KCNS2: variants seen among roughly 807,000 people sequenced by gnomAD.
KCNS2 encodes the protein delayed-rectifier potassium channel regulatory subunit KCNS2.
A neutral mutation model predicts 28.3 loss-of-function variants in KCNS2; 15 were observed. That is an observed-to-expected ratio of 0.53 (90% CI 0.35 to 0.82). KCNS2 has a LOEUF of 0.82. KCNS2 is among the 40% of genes least tolerant of loss of function. The pLI, the probability that KCNS2 is intolerant of heterozygous loss-of-function variation, is 0.01. For missense variants in KCNS2, 501 were observed against 617.1 expected (o/e 0.81, Z 1.99); for synonymous variants, 254 against 256.7 (o/e 0.99, Z 0.10).
At position 98,428,892 on chromosome 8, in the gene KCNS2, A is replaced by G. The variant is rs749779842; in HGVS notation, c.913A>G (p.Ile305Val). ...QVLRLMRIFR[I>V]LKLARHSTGL... is the part of the protein sequence containing the mutation. ...CCTGAGGCTGATGCGGATCTTCCGC[A>G]TCTTAAAGCTGGCCAGGCACTCCAC... Residue 305 changes from isoleucine to valine, a missense_variant, in exon 2 of 2, where the codon ATC becomes GTC. Physicochemically the swap from Ile to Val is conservative, Grantham distance 29 (BLOSUM62 3). Coordinates refer to ENST00000287042, the MANE Select transcript of KCNS2 (RefSeq NM_020697.4). The surrounding 1 kb of genome is among the most constrained non-coding windows in gnomAD (Gnocchi z 6.7). 2 of 1,614,206 alleles carry G rather than the reference A, an allele frequency of 1.2e-6. No homozygotes were observed. The highest frequency in any genetic ancestry group is 1.6e-4 in the Middle Eastern group (1 of 6,062).
chr8:98,428,040 A>C lies in KCNS2; in HGVS notation c.61A>C (p.Ile21Leu), dbSNP rs1326122049. 2 of 1,610,342 alleles carry C rather than the reference A, an allele frequency of 1.2e-6. No individual in the cohort carries two copies. Among genetic ancestry groups the C allele is most frequent in the South Asian group, 2.2e-5 (2 of 90,696 alleles). Residue 21 changes from isoleucine (I) to leucine (L), a missense_variant, in exon 2 of 2, where the codon ATC becomes CTC. Physicochemically the swap from Ile to Leu is conservative, Grantham distance 5. Transcript: ENST00000287042. This position sits in a 1 kb window ranked among gnomAD's most constrained non-coding sequence, Gnocchi z 6.7. ...EANVEDGEIR[I>L]NVGGFKRRLR... ...TAACGTCGAGGACGGGGAGATCCGCATCAATGTGGGCGGCTTCAAGAGGAG... is the reference window on the plus strand; with the variant it reads ...TAACGTCGAGGACGGGGAGATCCGCCTCAATGTGGGCGGCTTCAAGAGGAG...
At position 98,428,909 on chromosome 8, in the gene KCNS2, G is replaced by T; in HGVS notation, c.930G>T (p.Arg310Ser). 1 of 1,614,128 alleles carries T rather than the reference G, an allele frequency of 6.2e-7. No individual in the cohort carries two copies. The highest frequency in any genetic ancestry group is 1.1e-5 in the South Asian group (1 of 91,070). ...TCTTCCGCATCTTAAAGCTGGCCAG[G>T]CACTCCACTGGCCTCCGCTCCCTGG... ...MRIFRILKLA[R>S]HSTGLRSLGA... The change falls in exon 2 of 2, where the codon AGG becomes AGT. Residue 310 changes from arginine to serine, a missense_variant. Arg to Ser is a moderately radical substitution (Grantham distance 110, BLOSUM62 -1). Coordinates refer to ENST00000287042, the MANE Select transcript of KCNS2 (RefSeq NM_020697.4). This position sits in a 1 kb window ranked among gnomAD's most constrained non-coding sequence, Gnocchi z 6.7.
chr8:98,429,110 C>T lies in KCNS2; in HGVS notation c.1131C>T (p.Tyr377=), dbSNP rs371574913. The T allele has an allele frequency of 2.8e-5, 45 of 1,613,346 alleles. No homozygotes were observed. Among genetic ancestry groups the T allele is most frequent in the South Asian group, 4.4e-5 (4 of 91,040 alleles). The change falls in exon 2 of 2, where the codon TAC becomes TAT. Residue 377 remains tyrosine, a synonymous_variant. Coordinates refer to ENST00000287042, the MANE Select transcript of KCNS2 (RefSeq NM_020697.4). The part of the protein sequence containing the change: ...WATVSMTTVG[Y]GDVVPGTTAG... ...CCGTCAGTATGACCACAGTGGGGTA[C>T]GGGGATGTGGTCCCAGGGACCACGG...
chr8:98,431,840 C>T lies in KCNS2; in HGVS notation c.*2427C>T, dbSNP rs1381881910. ...GCTTTAGAGACTATCTTTTTAACAT[C>T]TCTTGTACATACATATATACTTATA... On this transcript the variant is annotated 3_prime_UTR_variant, in exon 2 of 2. Coordinates refer to ENST00000287042, the MANE Select transcript of KCNS2 (RefSeq NM_020697.4). The T allele has an allele frequency of 1.8e-5, 3 of 167,036 alleles. No individual in the cohort carries two copies. Among genetic ancestry groups the T allele is most frequent in the African/African-American group, 7.2e-5 (3 of 41,438 alleles). 10.3% of individuals were successfully genotyped at this position (167,036 alleles called of 1,614,324 possible). A position where few individuals can be genotyped will look rare whatever the true frequency, so the allele number is the denominator to read the frequency against.
At position 98,430,478 on chromosome 8, in the gene KCNS2, T is replaced by G. The variant is rs1162701880; in HGVS notation, c.*1065T>G. 1 of 167,128 alleles carries G rather than the reference T, an allele frequency of 6.0e-6. No homozygotes were observed. Among genetic ancestry groups the G allele is most frequent in the Non-Finnish European group, 1.5e-5 (1 of 68,126 alleles). The allele number at this position is 167,128 out of a possible 1,614,324, so 10.4% of individuals were successfully genotyped here. A position where few individuals can be genotyped will look rare whatever the true frequency, so the allele number is the denominator to read the frequency against. ...CTAGCAAGGGCAGTAGCTTAAATAC[T>G]TTTGTTGCCTACTCTGAAAGCTCAT... On this transcript the variant is annotated 3_prime_UTR_variant, in exon 2 of 2. Transcript: ENST00000287042.
rs1818299473 is a variant in KCNS2 at position 98,429,597 on chromosome 8, T to C, written c.*184T>C. On this transcript the variant is annotated 3_prime_UTR_variant, in exon 2 of 2. Transcript: ENST00000287042. ...AATCGTTTTTAGAGGGTGGTGTGTC[T>C]GACACCATGCCTTTGCACCTTTCCA... The C allele has an allele frequency of 3.4e-6, 2 of 580,296 alleles. No homozygotes were observed. Among genetic ancestry groups the C allele is most frequent in the East Asian group, 5.6e-5 (2 of 35,556 alleles). 35.9% of individuals were successfully genotyped at this position (580,296 alleles called of 1,614,324 possible).
In KCNS2 at chr8:98,429,232, G is replaced by A. The variant is rs755324744; in HGVS notation, c.1253G>A (p.Arg418Gln). 4.8e-5 allele frequency: 78 copies of A among 1,613,954 alleles called. No individual in the cohort carries two copies. The highest frequency in any genetic ancestry group is 6.1e-5 in the Non-Finnish European group (72 of 1,180,018). The change falls in exon 2 of 2, where the codon CGG becomes CAG. Residue 418 changes from arginine to glutamine, a missense_variant. Coordinates refer to ENST00000287042, the MANE Select transcript of KCNS2 (RefSeq NM_020697.4). ...LIFNKFSHFY[R>Q]RQKQLESAMR... ...TTCAATAAGTTCTCCCACTTTTACC[G>A]GCGCCAAAAGCAACTTGAGAGTGCC... is the stretch of plus-strand genomic sequence containing the variant.
At chr8:98,427,566 G>A (rs1167576787) in intron 1 of KCNS2, 3 of 145,338 alleles carry the variant, frequency 2.1e-5, no homozygotes, top group Non-Finnish European at 3.0e-5. Flanking sequence ...CGCCCCCCGT[G>A]TCGGCCCGGC....
In KCNS2 at chr8:98,428,300, C is replaced by T; in HGVS notation, c.321C>T (p.Tyr107=). 1 of 1,614,146 alleles carries T rather than the reference C, an allele frequency of 6.2e-7. No individual in the cohort carries two copies. The highest frequency in any genetic ancestry group is 2.2e-5 in the East Asian group (1 of 44,886). The change falls in exon 2 of 2, where the codon TAC becomes TAT. Residue 107 remains tyrosine, a synonymous_variant. Coordinates refer to ENST00000287042, the MANE Select transcript of KCNS2 (RefSeq NM_020697.4). The surrounding 1 kb of genome is among the most constrained non-coding windows in gnomAD (Gnocchi z 6.7). ...TCTCCTTCAGCCAGGAGATCGAGTACTGGGGCATCAACGAGTTCTTCATTG... is the reference window on the plus strand; with the variant it reads ...TCTCCTTCAGCCAGGAGATCGAGTATTGGGGCATCAACGAGTTCTTCATTG... ...CVFSFSQEIE[Y]WGINEFFIDS...
chr8:98,428,900 G>A lies in KCNS2; in HGVS notation c.921G>A (p.Lys307=). The A allele has an allele frequency of 6.2e-7, 1 of 1,614,162 alleles. No homozygotes were observed. Residue 307 remains lysine, a synonymous_variant, in exon 2 of 2, where the codon AAG becomes AAA. Coordinates refer to ENST00000287042, the MANE Select transcript of KCNS2 (RefSeq NM_020697.4). The surrounding 1 kb of genome is among the most constrained non-coding windows in gnomAD (Gnocchi z 6.7). ...TGATGCGGATCTTCCGCATCTTAAA[G>A]CTGGCCAGGCACTCCACTGGCCTCC... ...LRLMRIFRIL[K]LARHSTGLRS... is the part of the protein sequence containing the mutation.
Position 98,430,370 on chromosome 8 carries a change from T to G in KCNS2, c.*957T>G, listed in dbSNP as rs1037812210. ...TGAAATATTTATTTTTTAAGATGTT[T>G]AGGAGTAAGGTCGTGTTGTCTTCCT... is the stretch of plus-strand genomic sequence containing the variant. On this transcript the variant is annotated 3_prime_UTR_variant, in exon 2 of 2. Transcript: ENST00000287042. The G allele has an allele frequency of 2.4e-5, 4 of 167,134 alleles. No homozygotes were observed. The highest frequency in any genetic ancestry group is 9.6e-5 in the African/African-American group (4 of 41,472). The allele number at this position is 167,134 out of a possible 1,614,324, so 10.4% of individuals were successfully genotyped here.
In KCNS2 at chr8:98,428,665, T is replaced by C. The variant is rs1228502968; in HGVS notation, c.686T>C (p.Ile229Thr). The change falls in exon 2 of 2, where the codon ATC (isoleucine) becomes ACC (threonine). Residue 229 changes from isoleucine (I) to threonine (T), a missense_variant. Transcript: ENST00000287042. The surrounding 1 kb of genome is among the most constrained non-coding windows in gnomAD (Gnocchi z 6.7). ...GNPGEDPRFE[I>T]VEHFGIAWFT... Reference sequence around the variant, plus strand: ...CCTGGCGAGGACCCTAGGTTCGAAATCGTGGAGCACTTTGGCATTGCCTGG... The same window carrying C: ...CCTGGCGAGGACCCTAGGTTCGAAACCGTGGAGCACTTTGGCATTGCCTGG... 1 of 1,614,178 alleles carries C rather than the reference T, an allele frequency of 6.2e-7. No individual in the cohort carries two copies. The highest frequency in any genetic ancestry group is 1.1e-5 in the South Asian group (1 of 91,086).
Position 98,429,467 on chromosome 8 carries a change from C to G in KCNS2, c.*54C>G. 27 of 1,285,534 alleles carry G rather than the reference C, an allele frequency of 2.1e-5. No homozygotes were observed. The highest frequency in any genetic ancestry group is 2.9e-5 in the African/African-American group (2 of 68,282). 79.6% of individuals were successfully genotyped at this position (1,285,534 alleles called of 1,614,324 possible). The stretch of plus-strand genomic sequence containing the variant: ...CATTGCTGAGCTGCCTCTTGTGCCT[C>G]TGGCACAGCCCAGGCACCTTATGGT... On this transcript the variant is annotated 3_prime_UTR_variant, in exon 2 of 2. Transcript: ENST00000287042.
rs1263888506 is a variant in KCNS2 at position 98,430,170 on chromosome 8, A to C, written c.*757A>C. On this transcript the variant is annotated 3_prime_UTR_variant, in exon 2 of 2. Transcript: ENST00000287042. ...TGTGTTAGGGAGAGGGGCTTCAGCTAAATAGTCCAAACCCTAGGGTGCTTA... is the reference window on the plus strand; with the variant it reads ...TGTGTTAGGGAGAGGGGCTTCAGCTCAATAGTCCAAACCCTAGGGTGCTTA... The C allele has an allele frequency of 1.2e-5, 2 of 167,072 alleles. No homozygotes were observed. Among genetic ancestry groups the C allele is most frequent in the African/African-American group, 4.8e-5 (2 of 41,460 alleles). The allele number at this position is 167,072 out of a possible 1,614,324, so 10.3% of individuals were successfully genotyped here.
chr8:98,428,580 A>G lies in KCNS2; in HGVS notation c.601A>G (p.Ile201Val). 6.2e-7 allele frequency: 1 copy of G among 1,614,106 alleles called. No individual in the cohort carries two copies. The highest frequency in any genetic ancestry group is 8.5e-7 in the Non-Finnish European group (1 of 1,180,014). The change falls in exon 2 of 2, where the codon ATC becomes GTC. Residue 201 changes from isoleucine to valine, a missense_variant. Transcript: ENST00000287042. This position sits in a 1 kb window ranked among gnomAD's most constrained non-coding sequence, Gnocchi z 6.7. Reference protein sequence around the residue: ...ILSILVVMGSIITMCLNSLPD... With the variant: ...ILSILVVMGSVITMCLNSLPD... ...GTCCATCCTGGTGGTGATGGGGTCC[A>G]TCATCACCATGTGCCTCAATAGCCT...
Position 98,431,003 on chromosome 8 carries a change from T to C in KCNS2, c.*1590T>C, listed in dbSNP as rs1818317974. On this transcript the variant is annotated 3_prime_UTR_variant, in exon 2 of 2. Transcript: ENST00000287042. ...CTCCATCATCTTTAAGGTAATCTGATGGTTTTCCAGGTGGCTTTCATTATT... is the reference window on the plus strand; with the variant it reads ...CTCCATCATCTTTAAGGTAATCTGACGGTTTTCCAGGTGGCTTTCATTATT... 6.0e-6 allele frequency: 1 copy of C among 167,118 alleles called. No homozygotes were observed. Among genetic ancestry groups the C allele is most frequent in the Non-Finnish European group, 1.5e-5 (1 of 68,124 alleles). 10.4% of individuals were successfully genotyped at this position (167,118 alleles called of 1,614,324 possible).
At position 98,432,828 on chromosome 8, in the gene KCNS2, G is replaced by A. The variant is rs1818356300; in HGVS notation, c.*3415G>A. 6.0e-6 allele frequency: 1 copy of A among 166,754 alleles called. No homozygotes were observed. Among genetic ancestry groups the A allele is most frequent in the African/African-American group, 2.4e-5 (1 of 41,452 alleles). 10.3% of individuals were successfully genotyped at this position (166,754 alleles called of 1,614,324 possible). ...CACTCATTAACACACTACTGTGCAA[G>A]CATTGACACAGGCTGCACTGAACCA... On this transcript the variant is annotated 3_prime_UTR_variant, in exon 2 of 2. Coordinates refer to ENST00000287042, the MANE Select transcript of KCNS2 (RefSeq NM_020697.4).
intron 1 of KCNS2, 84 bp from the exon 2 acceptor site, chr8:98,427,854 C>T (rs1040532184): frequency 1.2e-5 from 9 of 759,936 alleles, no homozygotes; most frequent in Admixed American, 5.9e-5. Flanking sequence ...ACCAGGAGGC[C>T]TGGGCCCGCC....
In KCNS2 at chr8:98,428,822, G is replaced by A. The variant is rs865910565; in HGVS notation, c.843G>A (p.Val281=). The change falls in exon 2 of 2, where the codon GTG becomes GTA. Residue 281 remains valine, a synonymous_variant. Transcript: ENST00000287042. This position sits in a 1 kb window ranked among gnomAD's most constrained non-coding sequence, Gnocchi z 6.7. The part of the protein sequence containing the change: ...FYITLVVNLV[V]ESTPTLANLG... ...TCACTCTGGTGGTGAACCTGGTGGT[G>A]GAGAGCACACCTACTTTAGCCAACT... 6.2e-7 allele frequency: 1 copy of A among 1,614,192 alleles called. No homozygotes were observed. The highest frequency in any genetic ancestry group is 8.5e-7 in the Non-Finnish European group (1 of 1,180,050).
Sources: gnomAD v4.1 joint callset for allele counts on GRCh38, gnomAD v4.1.1 for gene constraint, Gnocchi (gnomAD v3.1) non-coding constraint, MANE v1.5 for transcripts, NCBI Gene and HGNC (gene_info 2026-07-23, HGNC 2026-07-21) for gene names.